The following GRIA1 variants were observed in gnomAD, a reference collection of about 807,000 sequenced individuals.
GRIA1 encodes the protein glutamate ionotropic receptor AMPA type subunit 1.
Under a neutral mutation model 99.2 loss-of-function variants are expected in GRIA1, and 31 were observed. The ratio of observed to expected loss-of-function variants is 0.31; its 90% confidence interval spans 0.23 to 0.42. The LOEUF (loss-of-function observed/expected upper bound fraction) is 0.42, where lower values mean the gene tolerates loss of function less well. Ranked by LOEUF, GRIA1 falls within the 10% of genes least tolerant of loss-of-function variation. The pLI is 1.00. For synonymous variants in GRIA1, 438 were observed against 432.4 expected, an observed-to-expected ratio of 1.01 and a Z score of -0.16; for missense variants, 782 against 1,157.5, an observed-to-expected ratio of 0.68 and a Z score of 4.71.
At chr5:153,698,815 C>A in intron 9 of GRIA1, 52 bp from the exon 10 acceptor site, 1 of 1,186,702 alleles carries the variant, frequency 8.4e-7, no homozygotes. Flanking sequence ...TCCTCCCTAC[C>A]CATGGGTGAA....
intron 12 of GRIA1, among the ~76,000 whole-genome samples, chr5:153,768,532 G>C (rs763460111): frequency 6.6e-6 from 1 of 151,968 alleles, no homozygotes; most frequent in Admixed American, 6.6e-5. Context: ...CTAATTATAG[G>C]CTATTAAAAC....
At chr5:153,796,013 CTTT>C (rs11426974) in intron 14 of GRIA1, among the ~76,000 whole-genome samples, 3 of 130,234 alleles carry the variant, frequency 2.3e-5, no homozygotes, top group Non-Finnish European at 1.6e-5. Context: ...TTTTTTTTAA[CTTT>C]TTTTTTTTTT....
chr5:153,698,221 C>T, intron 9 of GRIA1, 67 bp downstream of exon 9: 1 of 857,492 alleles, frequency 1.2e-6, no homozygotes, highest in South Asian at 1.6e-5. Flanking sequence ...GGTTTTCCAC[C>T]AGGACTGAAA....
At chr5:153,690,100 G>A (rs1307945558) in intron 8 of GRIA1, among the ~76,000 whole-genome samples, 4 of 152,010 alleles carry the variant, frequency 2.6e-5, no homozygotes, top group Non-Finnish European at 5.9e-5. Context: ...CCAGCCCCTG[G>A]GTACTCTGCT....
chr5:153,663,612 G>T (rs1755532834), intron 5 of GRIA1, among the ~76,000 whole-genome samples: 1 of 152,148 alleles, frequency 6.6e-6, no homozygotes, highest in African/African-American at 2.4e-5. Flanking sequence ...TGCAACAGAA[G>T]CCCAGGGTCT....
intron 15 of GRIA1, among the ~76,000 whole-genome samples, chr5:153,808,605 C>T (rs1235926565): frequency 6.6e-6 from 1 of 152,176 alleles, no homozygotes; most frequent in African/African-American, 2.4e-5. Context: ...TACACCACAC[C>T]AGCATCTCTA....
chr5:153,567,816 G>A (rs1050597520), intron 2 of GRIA1, among the ~76,000 whole-genome samples: 1 of 152,120 alleles, frequency 6.6e-6, no homozygotes, highest in Non-Finnish European at 1.5e-5. Context: ...ACAGTGTGGT[G>A]AATAAGGGAA....
At chr5:153,791,246 G>C (rs1464519728) in intron 13 of GRIA1, among the ~76,000 whole-genome samples, 2 of 148,558 alleles carry the variant, frequency 1.3e-5, no homozygotes, top group Non-Finnish European at 3.0e-5. Context: ...ACCATCCTGG[G>C]CAACATAGTG....
At chr5:153,802,274 A>ATGC in intron 14 of GRIA1, 82 bp from the exon 15 acceptor site, 1 of 1,244,048 alleles carries the variant, frequency 8.0e-7, no homozygotes, top group South Asian at 1.2e-5. Context: ...GTGTGAAAAT[A>ATGC]TGCTGCTGCT....
chr5:153,584,600 AC>A (rs1267321358), intron 2 of GRIA1, among the ~76,000 whole-genome samples: 1 of 152,080 alleles, frequency 6.6e-6, no homozygotes, highest in African/African-American at 2.4e-5. Context: ...GCTCTAGGGG[AC>A]CCTGAGGAAG....
intron 14 of GRIA1, among the ~76,000 whole-genome samples, chr5:153,796,358 G>A (rs1352707305): frequency 2.0e-5 from 3 of 151,990 alleles, no homozygotes; most frequent in Non-Finnish European, 4.4e-5. Context: ...TACTTTAATC[G>A]AGTTCATATA....
In GRIA1 at chr5:153,788,235, T is replaced by C. The variant is rs370524379; in HGVS notation, c.2271-6386T>C. 3.3e-5 allele frequency among the ~76,000 whole-genome samples: 5 copies of C among 152,260 alleles called. No homozygotes were observed. In the East Asian group the frequency reaches 9.6e-4, roughly 29 times the overall value. On this transcript the variant is annotated intron_variant, in intron 13 of 15. Transcript: ENST00000285900. ...CTCGAATCTTTCCTTCAATCCCCCA[T>C]AACCAATCTATCTCCCTTACTCAAA... is the stretch of plus-strand genomic sequence containing the variant.
At chr5:153,574,054 T>C (rs1381808161) in intron 2 of GRIA1, among the ~76,000 whole-genome samples, 1 of 152,104 alleles carries the variant, frequency 6.6e-6, no homozygotes, top group East Asian at 1.9e-4. Context: ...ACAAGTGATG[T>C]GCAGAGAGGC....
chr5:153,794,187 G>A, intron 13 of GRIA1, among the ~76,000 whole-genome samples: 1 of 152,162 alleles, frequency 6.6e-6, no homozygotes, highest in East Asian at 1.9e-4. Context: ...TGAGCCAGGT[G>A]CCTTCCCCTG....
intron 8 of GRIA1, among the ~76,000 whole-genome samples, chr5:153,697,290 G>C (rs1183932299): frequency 6.6e-6 from 1 of 152,198 alleles, no homozygotes; most frequent in African/African-American, 2.4e-5. Context: ...CTCAGAGCAA[G>C]CCCTATCTCT....
At chr5:153,635,636 AC>A (rs887227650) in intron 2 of GRIA1, among the ~76,000 whole-genome samples, 2 of 152,042 alleles carry the variant, frequency 1.3e-5, no homozygotes, top group African/African-American at 4.8e-5. Context: ...CAAGGCTCAG[AC>A]CCCAAGTCTC....
intron 2 of GRIA1, among the ~76,000 whole-genome samples, chr5:153,580,146 A>G (rs1291952364): frequency 6.6e-6 from 1 of 152,162 alleles, no homozygotes; most frequent in Non-Finnish European, 1.5e-5. Flanking sequence ...GTGGATGGAG[A>G]TAATGCAGTA....
intron 2 of GRIA1, among the ~76,000 whole-genome samples, chr5:153,586,362 T>G (rs1442464190): frequency 6.6e-6 from 1 of 152,176 alleles, no homozygotes. Context: ...GTTAGGTAGG[T>G]GCTACTATTA....
intron 4 of GRIA1, among the ~76,000 whole-genome samples, chr5:153,652,183 G>A (rs1024869141): frequency 6.6e-5 from 10 of 152,270 alleles, no homozygotes; most frequent in African/African-American, 2.4e-4. Context: ...GAATCCATCT[G>A]TAAAATGTGA....
Sources: gnomAD v4.1 joint callset for allele counts (sites outside exome capture counted in the v4.1 genomes callset) on GRCh38, gnomAD v4.1.1 for gene constraint, MANE v1.5 for transcripts, NCBI Gene and HGNC (gene_info 2026-07-23, HGNC 2026-07-21) for gene names.